Variants in ZBTB20 observed in about 807,000 individuals in gnomAD.
The protein encoded by ZBTB20 is zinc finger and BTB domain-containing protein 20.
Under a neutral mutation model 56.9 loss-of-function variants are expected in ZBTB20, and 9 were observed. That is an observed-to-expected ratio of 0.16 (90% CI 0.10 to 0.28). The LOEUF is 0.28. Among genes scored for constraint, ZBTB20 ranks in the 10% least tolerant of loss-of-function variants. ZBTB20 has a pLI of 1.00. For synonymous variants in ZBTB20, 417 were observed against 420.7 expected (o/e 0.99, Z 0.11); for missense variants, 655 against 1,003.0 (o/e 0.65, Z 4.69).
At chr3:114,693,277 A>G (rs2062806687) in intron 6 of ZBTB20, among the ~76,000 whole-genome samples, 1 of 152,144 alleles carries the variant, frequency 6.6e-6, no homozygotes, top group South Asian at 2.1e-4. Context: ...ATCTGTGATA[A>G]TAGGTTCTGG....
intron 6 of ZBTB20, chr3:114,527,444 TACTC>T (rs1218283600): frequency 3.3e-5 from 5 of 152,210 alleles, no homozygotes; most frequent in African/African-American, 1.2e-4. Context: ...TGTCATCACA[TACTC>T]ACACATCCAG....
At chr3:114,510,896 T>C (rs1326868646) in intron 6 of ZBTB20, among the ~76,000 whole-genome samples, 2 of 152,126 alleles carry the variant, frequency 1.3e-5, no homozygotes, top group African/African-American at 4.8e-5. Context: ...AAGGGCCTTT[T>C]TTCCATTTGA....
intron 6 of ZBTB20, among the ~76,000 whole-genome samples, chr3:114,678,599 C>T (rs538119303): frequency 2.0e-5 from 3 of 152,214 alleles, no homozygotes; most frequent in Admixed American, 6.5e-5. Flanking sequence ...TTATGTATGA[C>T]TTTAAGTTGT....
At chr3:114,676,071 T>C (rs2061609391) in intron 6 of ZBTB20, among the ~76,000 whole-genome samples, 1 of 151,704 alleles carries the variant, frequency 6.6e-6, no homozygotes, top group Non-Finnish European at 1.5e-5. Flanking sequence ...AGTAGAGGAG[T>C]CAGGATTCAA....
chr3:114,385,847 C>T (rs1444703879), intron 8 of ZBTB20, among the ~76,000 whole-genome samples: 1 of 151,648 alleles, frequency 6.6e-6, no homozygotes, highest in African/African-American at 2.4e-5. Context: ...CAGCCTGGAG[C>T]AAGAAAAAAA....
At chr3:114,353,678 C>A (rs2080918919) in intron 10 of ZBTB20, among the ~76,000 whole-genome samples, 1 of 152,146 alleles carries the variant, frequency 6.6e-6, no homozygotes, top group Admixed American at 6.5e-5. Flanking sequence ...CAGCAGCAGA[C>A]CAAATTTCAA....
rs1404836298 is a variant in ZBTB20 at position 114,324,544 on chromosome 3, A to C, written c.*14461T>G. 2 of 151,978 alleles carry C rather than the reference A, an allele frequency of 1.3e-5. No homozygotes were observed. The highest frequency in any genetic ancestry group is 2.9e-5 in the Non-Finnish European group (2 of 67,980). 9.4% of individuals were successfully genotyped at this position (151,978 alleles called of 1,614,324 possible). On this transcript the variant is annotated 3_prime_UTR_variant, in exon 12 of 12. Transcript: ENST00000675478. ...TAAATACAGATATACATACACATAC[A>C]CAGAAATTCTCAAGGCCCCTCTCAG... is the stretch of plus-strand genomic sequence containing the variant.
At chr3:114,845,100 T>C (rs2074625343) in intron 4 of ZBTB20, among the ~76,000 whole-genome samples, 1 of 151,958 alleles carries the variant, frequency 6.6e-6, no homozygotes, top group South Asian at 2.1e-4. Context: ...TATTCTTTTA[T>C]GGGTCATTCA....
chr3:114,660,282 G>C (rs914344736), intron 6 of ZBTB20, among the ~76,000 whole-genome samples: 1 of 152,114 alleles, frequency 6.6e-6, no homozygotes, highest in Non-Finnish European at 1.5e-5. Flanking sequence ...AGGATACAGT[G>C]CATTTTCACA....
chr3:114,893,926 A>G (rs996239602), intron 4 of ZBTB20, among the ~76,000 whole-genome samples: 4 of 152,198 alleles, frequency 2.6e-5, no homozygotes, highest in African/African-American at 9.7e-5. Flanking sequence ...TTCGAAGACA[A>G]TTGTCAGTAA....
At position 114,334,391 on chromosome 3, in the gene ZBTB20, T is replaced by C. The variant is rs1039578567; in HGVS notation, c.*4614A>G. ...GGGTTTTATAAGGGGCATATCTCAT[T>C]TTTGACTTCTGTGCTGAGAGAAAAT... is the stretch of plus-strand genomic sequence containing the variant. On this transcript the variant is annotated 3_prime_UTR_variant, in exon 12 of 12. Coordinates refer to ENST00000675478, the MANE Select transcript of ZBTB20 (RefSeq NM_001348800.3). 6.6e-6 allele frequency: 1 copy of C among 152,208 alleles called. No homozygotes were observed. The allele number at this position is 152,208 out of a possible 1,614,324, so 9.4% of individuals were successfully genotyped here. A position where few individuals can be genotyped will look rare whatever the true frequency, so the allele number is the denominator to read the frequency against.
rs527330840 is a variant in ZBTB20 at position 114,336,929 on chromosome 3, T to G, written c.*2076A>C. ...TCACTTTGGGAGTTTCAGCTAGGTT[T>G]AAGAATTCCTATATTTGAGCTGGAA... On this transcript the variant is annotated 3_prime_UTR_variant, in exon 12 of 12. Transcript: ENST00000675478. 10 of 152,346 alleles carry G rather than the reference T, an allele frequency of 6.6e-5. No homozygotes were observed. The highest frequency in any genetic ancestry group is 1.9e-4 in the African/African-American group (8 of 41,582). The allele number at this position is 152,346 out of a possible 1,614,324, so 9.4% of individuals were successfully genotyped here.
At chr3:114,803,108 ACTTT>A (rs141932719) in intron 4 of ZBTB20, among the ~76,000 whole-genome samples, 63 of 130,602 alleles carry the variant, frequency 4.8e-4, no homozygotes, top group Non-Finnish European at 8.2e-4. Context: ...CTCCACTTTC[ACTTT>A]CTTTCTTATT....
At chr3:114,790,755 T>C (rs970602363) in intron 5 of ZBTB20, among the ~76,000 whole-genome samples, 4 of 151,644 alleles carry the variant, frequency 2.6e-5, no homozygotes, top group South Asian at 4.1e-4. Flanking sequence ...CTGACTATCA[T>C]AGGGGAGACA....
chr3:114,478,873 G>A (rs188817251), intron 7 of ZBTB20, among the ~76,000 whole-genome samples: 5 of 152,274 alleles, frequency 3.3e-5, no homozygotes, highest in Non-Finnish European at 4.4e-5. Flanking sequence ...GGCTTCTCCT[G>A]TGCAACATAC....
intron 6 of ZBTB20, among the ~76,000 whole-genome samples, chr3:114,539,458 TCTCTAC>T (rs2048861872): frequency 6.6e-6 from 1 of 152,114 alleles, no homozygotes; most frequent in Non-Finnish European, 1.5e-5. Flanking sequence ...CTTATTTGCT[TCTCTAC>T]CTTAGGACAT....
chr3:114,420,108 T>C (rs1371925134), intron 7 of ZBTB20, among the ~76,000 whole-genome samples: 1 of 152,110 alleles, frequency 6.6e-6, no homozygotes, highest in Non-Finnish European at 1.5e-5. Context: ...AAAACTCTCA[T>C]TACCTGAGTG....
At chr3:114,562,700 T>C (rs2052230092) in intron 6 of ZBTB20, among the ~76,000 whole-genome samples, 1 of 152,194 alleles carries the variant, frequency 6.6e-6, no homozygotes, top group African/African-American at 2.4e-5. Context: ...AACGTGACTG[T>C]TCCTTTCACT....
chr3:115,047,929 A>G (rs7624181), intron 2 of ZBTB20, among the ~76,000 whole-genome samples: 1 of 152,158 alleles, frequency 6.6e-6, no homozygotes, highest in African/African-American at 2.4e-5. Context: ...AAGAGCTAAG[A>G]AAATTTTCTG....
Sources: gnomAD v4.1 joint callset for allele counts (sites outside exome capture counted in the v4.1 genomes callset) on GRCh38, gnomAD v4.1.1 for gene constraint, MANE v1.5 for transcripts, NCBI Gene and HGNC (gene_info 2026-07-23, HGNC 2026-07-21) for gene names.